PTPRM: variants seen among roughly 807,000 people sequenced by gnomAD.
PTPRM encodes the protein protein tyrosine phosphatase receptor type M, also known as receptor-type tyrosine-protein phosphatase mu.
In PTPRM, 47 loss-of-function variants were observed where a neutral mutation model predicts 186.7. That is an observed-to-expected ratio of 0.25 (90% confidence interval 0.20 to 0.32). PTPRM has a LOEUF of 0.32. PTPRM is among the 10% of genes least tolerant of loss of function. The pLI is 1.00. For synonymous variants in PTPRM, 668 were observed against 674.9 expected (o/e 0.99, Z 0.16); for missense variants, 1,494 against 1,865.0 (o/e 0.80, Z 3.66).
chr18:7,628,287 G>A (rs1232778188), intron 1 of PTPRM, among the ~76,000 whole-genome samples: 4 of 152,070 alleles, frequency 2.6e-5, no homozygotes, highest in African/African-American at 9.7e-5. Flanking sequence ...TAATATCAAA[G>A]CAGTAAAATA....
intron 7 of PTPRM, among the ~76,000 whole-genome samples, chr18:8,021,427 T>C (rs1253132111): frequency 6.6e-6 from 1 of 152,010 alleles, no homozygotes; most frequent in Non-Finnish European, 1.5e-5. Context: ...TACATATACA[T>C]GTGCCATGGT....
intron 7 of PTPRM, among the ~76,000 whole-genome samples, chr18:8,024,425 A>G (rs986065526): frequency 6.6e-6 from 1 of 152,120 alleles, no homozygotes; most frequent in Non-Finnish European, 1.5e-5. Context: ...CTGTGAATTG[A>G]GAATATAGTG....
chr18:7,759,377 A>C (rs2041662242), intron 1 of PTPRM, among the ~76,000 whole-genome samples: 1 of 152,232 alleles, frequency 6.6e-6, no homozygotes, highest in African/African-American at 2.4e-5. Flanking sequence ...ATATGGTGAC[A>C]CTTTGTTTAA....
chr18:8,019,021 A>T (rs1468678582), intron 7 of PTPRM, among the ~76,000 whole-genome samples: 4 of 152,216 alleles, frequency 2.6e-5, no homozygotes, highest in Non-Finnish European at 5.9e-5. Flanking sequence ...AATGGTAAAG[A>T]TTAATAAGGT....
At chr18:7,641,526 G>A (rs545743346) in intron 1 of PTPRM, among the ~76,000 whole-genome samples, 1 of 152,308 alleles carries the variant, frequency 6.6e-6, no homozygotes, top group South Asian at 2.1e-4. Flanking sequence ...ACAAATGTGT[G>A]TACCTTAATC....
chr18:7,735,250 A>G (rs1461805806), intron 1 of PTPRM, among the ~76,000 whole-genome samples: 1 of 152,078 alleles, frequency 6.6e-6, no homozygotes, highest in East Asian at 1.9e-4. Context: ...CACCCCATCT[A>G]TACTGAAAAT....
chr18:7,881,107 A>C (rs921575561), intron 2 of PTPRM, among the ~76,000 whole-genome samples: 1 of 152,090 alleles, frequency 6.6e-6, no homozygotes, highest in African/African-American at 2.4e-5. Context: ...GTATATAGAG[A>C]CATGTCGCTT....
At chr18:8,249,798 A>G (rs115762964) in intron 17 of PTPRM, among the ~76,000 whole-genome samples, 2,307 of 152,312 alleles carry the variant, frequency 0.015, 58 homozygotes, top group African/African-American at 0.053. Flanking sequence ...CTGAAAGGGA[A>G]TCACTTGGAC....
intron 19 of PTPRM, among the ~76,000 whole-genome samples, chr18:8,280,773 C>T (rs771793375): frequency 5.9e-5 from 9 of 152,086 alleles, no homozygotes; most frequent in Non-Finnish European, 8.8e-5. Flanking sequence ...GGAGGGACCA[C>T]GCACAATGGC....
chr18:7,743,301 G>A (rs1237960368), intron 1 of PTPRM, among the ~76,000 whole-genome samples: 1 of 152,202 alleles, frequency 6.6e-6, no homozygotes, highest in Non-Finnish European at 1.5e-5. Flanking sequence ...AATAATGTGT[G>A]TGAAAATGCT....
intron 1 of PTPRM, among the ~76,000 whole-genome samples, chr18:7,694,409 A>T (rs1013160749): frequency 1.3e-5 from 2 of 149,192 alleles, no homozygotes; most frequent in African/African-American, 5.0e-5. Context: ...GAAACGTAGG[A>T]AACTCCCTTC....
At chr18:7,607,123 A>C (rs1212238499) in intron 1 of PTPRM, among the ~76,000 whole-genome samples, 2 of 152,034 alleles carry the variant, frequency 1.3e-5, no homozygotes, top group African/African-American at 4.8e-5. Flanking sequence ...TTTAGTACTC[A>C]GTGTATGCCA....
chr18:7,775,636 T>C (rs759621184), intron 2 of PTPRM, among the ~76,000 whole-genome samples: 5 of 152,198 alleles, frequency 3.3e-5, no homozygotes, highest in Admixed American at 6.5e-5. Flanking sequence ...TTAGTCCTGG[T>C]AGATTGCCCC....
At chr18:7,730,545 T>TTGGATTATCCAC (rs2040637633) in intron 1 of PTPRM, among the ~76,000 whole-genome samples, 1 of 152,238 alleles carries the variant, frequency 6.6e-6, no homozygotes, top group Non-Finnish European at 1.5e-5. Context: ...ATGATTATTC[T>TTGGATTATCCAC]TGGATTATCC....
chr18:7,699,808 CTG>C (rs939744347), intron 1 of PTPRM, among the ~76,000 whole-genome samples: 6 of 151,850 alleles, frequency 4.0e-5, no homozygotes, highest in African/African-American at 9.7e-5. Flanking sequence ...CCAATATACT[CTG>C]TGATTTTCCG....
chr18:8,199,597 C>G (rs1215131452), intron 14 of PTPRM, among the ~76,000 whole-genome samples: 1 of 152,174 alleles, frequency 6.6e-6, no homozygotes, highest in South Asian at 2.1e-4. Context: ...TTTTCACCTA[C>G]AGCTTAGTTG....
At chr18:7,698,366 A>G (rs867734501) in intron 1 of PTPRM, among the ~76,000 whole-genome samples, 10 of 152,344 alleles carry the variant, frequency 6.6e-5, no homozygotes, top group South Asian at 4.1e-4. Context: ...GGCTCAATTT[A>G]CTCATCATCC....
chr18:7,784,421 G>A (rs1485531500), intron 2 of PTPRM, among the ~76,000 whole-genome samples: 1 of 152,060 alleles, frequency 6.6e-6, no homozygotes, highest in African/African-American at 2.4e-5. Context: ...CCTGAAACCA[G>A]TTTTATGTAA....
intron 11 of PTPRM, among the ~76,000 whole-genome samples, chr18:8,105,611 T>C (rs2091480134): frequency 6.6e-6 from 1 of 152,230 alleles, no homozygotes; most frequent in Admixed American, 6.5e-5. Context: ...TTTCACATTT[T>C]CTTTTCTTCA....
Sources: allele counts gnomAD v4.1 joint callset (sites outside exome capture counted in the v4.1 genomes callset), GRCh38; gene constraint gnomAD v4.1.1; transcripts MANE v1.5; gene names NCBI Gene and HGNC (gene_info 2026-07-23, HGNC 2026-07-21).